The following COL9A3 variants were observed in gnomAD, a reference collection of about 807,000 sequenced individuals.
The protein encoded by COL9A3 is collagen type IX alpha 3 chain.
In COL9A3, 82 loss-of-function variants were observed where a neutral mutation model predicts 110.2. That is an observed-to-expected ratio of 0.74 (90% confidence interval 0.62 to 0.89). COL9A3 has a LOEUF of 0.89. Ranked by LOEUF, COL9A3 falls within the 40% of genes least tolerant of loss-of-function variation. The probability of loss-of-function intolerance (pLI) is 0.00; values close to 1 mark genes in which losing one functional copy is unlikely to be tolerated. For missense variants in COL9A3, 1,066 were observed against 981.3 expected, an observed-to-expected ratio of 1.09 and a Z score of -1.15; for synonymous variants, 494 against 403.8, an observed-to-expected ratio of 1.22 and a Z score of -2.68.
Position 62,838,788 on chromosome 20 carries a change from C to T in COL9A3, c.1864+27C>T, listed in dbSNP as rs556791164. ...TACGAGTCCACGGCCAGCAAGGCTT[C>T]ACTGGGTGACATCTCTTCCGCCATC... On this transcript the variant is annotated intron_variant, in intron 31 of 31. Transcript: ENST00000649368. 9.2e-6 allele frequency: 14 copies of T among 1,526,854 alleles called. No homozygotes were observed. The East Asian group carries it at 2.9e-4, about 32-fold the overall frequency. The allele number at this position is 1,526,854 out of a possible 1,614,324, so 94.6% of individuals were successfully genotyped here.
chr20:62,822,416 C>T (rs1251857769), intron 9 of COL9A3, among the ~76,000 whole-genome samples, 175 bp from the exon 10 acceptor site: 1 of 149,000 alleles, frequency 6.7e-6, no homozygotes, highest in Non-Finnish European at 1.5e-5. Flanking sequence ...GTCACATGCC[C>T]TGTGGGTGGG....
At chr20:62,833,164 C>CCGGTGGAAGAT (rs1219056136) in intron 26 of COL9A3, 100 bp downstream of exon 26, 10 of 989,530 alleles carry the variant, frequency 1.0e-5, no homozygotes, top group Admixed American at 5.2e-5. Flanking sequence ...TCTGCAGCTC[C>CCGGTGGAAGAT]CGGTGGAAGA....
chr20:62,838,651 T>C (rs924545172), intron 30 of COL9A3, 33 bp from the exon 31 acceptor site: 5 of 1,541,664 alleles, frequency 3.2e-6, no homozygotes, highest in East Asian at 2.4e-5. Context: ...ACAGATACTC[T>C]AACCATATGT....
chr20:62,818,617 C>T lies in COL9A3; in HGVS notation c.183+64C>T, dbSNP rs182337989. ...CTGGAGAGAAAGGGGGAACTCAGAA[C>T]AGAGGGGTCATTGATATCCTGTCTC... On this transcript the variant is annotated intron_variant, in intron 3 of 31. Coordinates refer to ENST00000649368, the MANE Select transcript of COL9A3 (RefSeq NM_001853.4). 9 of 1,499,636 alleles carry T rather than the reference C, an allele frequency of 6.0e-6. No individual in the cohort carries two copies. The East Asian group carries it at 2.0e-4, about 34-fold the overall frequency. 92.9% of individuals were successfully genotyped at this position (1,499,636 alleles called of 1,614,324 possible).
chr20:62,827,350 C>A (rs1193546243), intron 16 of COL9A3, 56 bp downstream of exon 16: 6 of 1,571,684 alleles, frequency 3.8e-6, no homozygotes, highest in Middle Eastern at 1.7e-4. Context: ...CCCAATTTCC[C>A]TCCTGACTCG....
intron 10 of COL9A3, among the ~76,000 whole-genome samples, chr20:62,823,037 G>T (rs1419432244): frequency 1.4e-5 from 2 of 142,958 alleles, no homozygotes; most frequent in African/African-American, 6.1e-5. Context: ...TCATTTGCCT[G>T]AAAAGAAAAC....
intron 29 of COL9A3, 117 bp downstream of exon 29, chr20:62,836,649 C>T: frequency 8.9e-7 from 1 of 1,122,608 alleles, no homozygotes; most frequent in Non-Finnish European, 1.3e-6. Flanking sequence ...GAGCCCCTAG[C>T]ACTCACCCCG....
intron 15 of COL9A3, 36 bp downstream of exon 15, chr20:62,826,856 G>A (rs770316469): frequency 1.1e-5 from 18 of 1,608,666 alleles, no homozygotes; most frequent in Admixed American, 5.0e-5. Flanking sequence ...GCCATGCCTC[G>A]TGACCTCTCT....
chr20:62,826,416 T>G (rs2063553040), intron 14 of COL9A3, among the ~76,000 whole-genome samples, 159 bp downstream of exon 14: 1 of 152,184 alleles, frequency 6.6e-6, no homozygotes, highest in African/African-American at 2.4e-5. Flanking sequence ...TCTGGGCCCC[T>G]GTTCTCGCAT....
Position 62,821,192 on chromosome 20 carries a change from AC to A in COL9A3, c.326del (p.Pro109ArgfsTer20). 6.2e-7 allele frequency: 1 copy of A among 1,612,940 alleles called. No individual in the cohort carries two copies. Among genetic ancestry groups the A allele is most frequent in the Non-Finnish European group, 8.5e-7 (1 of 1,179,734 alleles). On this transcript the variant is annotated frameshift_variant, in exon 6 of 32. Coordinates refer to ENST00000649368, the MANE Select transcript of COL9A3 (RefSeq NM_001853.4). LOFTEE classifies it high-confidence loss of function. ...GAPGERGSLG[P>X]PGPPGLGGKG... ...CTTTCCTCCCACAGGGAAGTCTGGG[AC>A]CCCCGGGGCCGCCCGGGCTGGGGGT...
At position 62,840,810 on chromosome 20, in the gene COL9A3, CGGGT is replaced by C; in HGVS notation, c.*80_*83del. 1 of 1,510,066 alleles carries C rather than the reference CGGGT, an allele frequency of 6.6e-7. No individual in the cohort carries two copies. Among genetic ancestry groups the C allele is most frequent in the African/African-American group, 1.4e-5 (1 of 72,218 alleles). 93.5% of individuals were successfully genotyped at this position (1,510,066 alleles called of 1,614,324 possible). ...CATGAAGGAGCGGGGGTGTGGCAGGCGGGTGACGTCCAGGAGAGGGAGCGCCCCT... is the reference window on the plus strand; with the variant it reads ...CATGAAGGAGCGGGGGTGTGGCAGGCGACGTCCAGGAGAGGGAGCGCCCCT... On this transcript the variant is annotated 3_prime_UTR_variant, in exon 32 of 32. Coordinates refer to ENST00000649368, the MANE Select transcript of COL9A3 (RefSeq NM_001853.4).
intron 1 of COL9A3, 157 bp from the exon 2 acceptor site, chr20:62,817,410 T>G (rs1990964031): frequency 1.7e-6 from 1 of 586,354 alleles, no homozygotes; most frequent in African/African-American, 2.0e-5. Flanking sequence ...GGGGACACAC[T>G]GCGCGGGGGC....
At chr20:62,835,207 C>G (rs1417688823) in intron 26 of COL9A3, among the ~76,000 whole-genome samples, 1 of 152,254 alleles carries the variant, frequency 6.6e-6, no homozygotes, top group African/African-American at 2.4e-5. Context: ...TGTAACAGAA[C>G]ACCGCAGCTT....
rs1195667511 is a variant in COL9A3 at position 62,822,760 on chromosome 20, A to T, written c.519+128A>T. The T allele has an allele frequency of 1.2e-5, 12 of 990,292 alleles. No homozygotes were observed. The Admixed American group carries it at 2.3e-4, about 19-fold the overall frequency. 61.3% of individuals were successfully genotyped at this position (990,292 alleles called of 1,614,324 possible). A position where few individuals can be genotyped will look rare whatever the true frequency, so the allele number is the denominator to read the frequency against. On this transcript the variant is annotated intron_variant, in intron 10 of 31. Coordinates refer to ENST00000649368, the MANE Select transcript of COL9A3 (RefSeq NM_001853.4). ...GGCCCGAGCCCTCCCTGGGGACAGG[A>T]GCTCAGAGCAGACAGCTCGGGCACA...
rs1036479876 is a variant in COL9A3, at chr20:62,817,090, C to CGCTCCTGCTCCT, written c.37_48dup (p.Leu13_Leu16dup). On this transcript the variant is annotated inframe_insertion, in exon 1 of 32. Transcript: ENST00000649368. ...ATGGCCGGGCCGCGCGCGTGCGCCC[C>CGCTCCTGCTCCT]GCTCCTGCTCCTGCTCCTGCTCGGG... is the stretch of plus-strand genomic sequence containing the variant. 8.6e-6 allele frequency: 12 copies of CGCTCCTGCTCCT among 1,394,778 alleles called. No homozygotes were observed. The highest frequency in any genetic ancestry group is 3.4e-5 in the East Asian group (1 of 29,676). 86.4% of individuals were successfully genotyped at this position (1,394,778 alleles called of 1,614,324 possible). A position where few individuals can be genotyped will look rare whatever the true frequency, so the allele number is the denominator to read the frequency against.
In COL9A3 at chr20:62,840,782, G is replaced by A. The variant is rs771945842; in HGVS notation, c.*50G>A. The A allele has an allele frequency of 1.7e-5, 26 of 1,544,698 alleles. No individual in the cohort carries two copies. Among genetic ancestry groups the A allele is most frequent in the South Asian group, 4.8e-5 (4 of 83,864 alleles). On this transcript the variant is annotated 3_prime_UTR_variant, in exon 32 of 32. Transcript: ENST00000649368. ...CAAGGACGCCCGAAGCACAGTGGAC[G>A]GTCATGAAGGAGCGGGGGTGTGGCA...
rs147637968 is a variant in COL9A3 at position 62,833,649 on chromosome 20, C to T, written c.1368+585C>T. On this transcript the variant is annotated intron_variant, in intron 26 of 31. Coordinates refer to ENST00000649368, the MANE Select transcript of COL9A3 (RefSeq NM_001853.4). Reference sequence around the variant, plus strand: ...CCATCTCCTGACCTCGTGATCATCCCGCCTTGGTCTCTCAAAGTGCTGGGA... The same window carrying T: ...CCATCTCCTGACCTCGTGATCATCCTGCCTTGGTCTCTCAAAGTGCTGGGA... Among the ~76,000 whole-genome samples, 146 of 151,944 alleles carry T rather than the reference C, an allele frequency of 9.6e-4. 2 individuals carry two copies. In the East Asian group the frequency reaches 0.026, roughly 27 times the overall value.
intron 5 of COL9A3, 94 bp downstream of exon 5, chr20:62,820,076 G>C (rs1991069600): frequency 7.0e-7 from 1 of 1,430,902 alleles, no homozygotes; most frequent in African/African-American, 1.4e-5. Flanking sequence ...CAAGGAGCTG[G>C]TAGTTCCAAG....
Position 62,822,708 on chromosome 20 carries a change from G to A in COL9A3, c.519+76G>A. 4 of 1,508,106 alleles carry A rather than the reference G, an allele frequency of 2.7e-6. No homozygotes were observed. In the Admixed American group the frequency reaches 6.7e-5, roughly 25 times the overall value. The allele number at this position is 1,508,106 out of a possible 1,614,324, so 93.4% of individuals were successfully genotyped here. A position where few individuals can be genotyped will look rare whatever the true frequency, so the allele number is the denominator to read the frequency against. ...GGGGAGGGGTTCTGGCCTGGAGAGGGGCTTGTCCATACTGGCAAGAAGGCA... is the reference window on the plus strand; with the variant it reads ...GGGGAGGGGTTCTGGCCTGGAGAGGAGCTTGTCCATACTGGCAAGAAGGCA... On this transcript the variant is annotated intron_variant, in intron 10 of 31. Transcript: ENST00000649368.
Sources: gnomAD v4.1 joint callset for allele counts (sites outside exome capture counted in the v4.1 genomes callset) on GRCh38, gnomAD v4.1.1 for gene constraint, MANE v1.5 for transcripts, NCBI Gene and HGNC (gene_info 2026-07-23, HGNC 2026-07-21) for gene names.